The following DICER1 variants were observed in gnomAD, a reference collection of about 807,000 sequenced individuals.
The protein encoded by DICER1 is dicer 1, ribonuclease III, also known as endoribonuclease Dicer.
In DICER1, 43 loss-of-function variants were observed where a neutral mutation model predicts 194.1. The ratio of observed to expected loss-of-function variants is 0.22; its 90% CI spans 0.17 to 0.29. The LOEUF is 0.29. Among genes scored for constraint, DICER1 ranks in the 10% least tolerant of loss-of-function variants. The pLI, the probability that DICER1 is intolerant of heterozygous loss-of-function variation, is 1.00. For synonymous variants in DICER1, 832 were observed against 820.5 expected (o/e 1.01, Z -0.24); for missense variants, 1,608 against 2,317.0 (o/e 0.69, Z 6.28).
chr14:95,122,521 A>C (rs1475985387), intron 8 of DICER1, among the ~76,000 whole-genome samples: 1 of 152,184 alleles, frequency 6.6e-6, no homozygotes, highest in East Asian at 1.9e-4. Context: ...GCTGTAAAGC[A>C]CTGGTTTTTA....
chr14:95,115,404 T>C (rs966234859), intron 11 of DICER1, among the ~76,000 whole-genome samples: 1 of 152,178 alleles, frequency 6.6e-6, no homozygotes, highest in Non-Finnish European at 1.5e-5. Flanking sequence ...GTGAGAATTA[T>C]AAAATTAAAT....
chr14:95,094,269 C>T (rs964737226), intron 23 of DICER1, 113 bp from the exon 24 acceptor site: 10 of 1,342,392 alleles, frequency 7.4e-6, no homozygotes, highest in South Asian at 7.4e-5. Flanking sequence ...CATTTTCATA[C>T]ATATATTCTT....
At chr14:95,127,214 C>A (rs920055339) in intron 6 of DICER1, among the ~76,000 whole-genome samples, 57 of 152,350 alleles carry the variant, frequency 3.7e-4, no homozygotes, top group African/African-American at 1.3e-3. Flanking sequence ...CCTCCCTGAA[C>A]ACCTTTTGTT....
At chr14:95,090,853 A>G (rs1889739711) in intron 26 of DICER1, 181 bp downstream of exon 26, 4 of 941,136 alleles carry the variant, frequency 4.3e-6, no homozygotes, top group South Asian at 1.5e-5. Context: ...TCTTTATTAC[A>G]GCATTATTTC....
In DICER1 at chr14:95,096,237, G is replaced by A. The variant is rs899603485; in HGVS notation, c.4683C>T (p.Asp1561=). The change falls in exon 23 of 27, where the codon GAC becomes GAT. Residue 1561 remains aspartate, a synonymous_variant. Transcript: ENST00000343455. ...AGCAGCCCAGCAGGGCTTCCACACAGTCCGCTATGCTTTTGTCAGCAATAC... is the reference window on the plus strand; with the variant it reads ...AGCAGCCCAGCAGGGCTTCCACACAATCCGCTATGCTTTTGTCAGCAATAC... The part of the protein sequence containing the change: ...EQCIADKSIA[D]CVEALLGCYL... 5.6e-6 allele frequency: 9 copies of A among 1,614,192 alleles called. No individual in the cohort carries two copies. The highest frequency in any genetic ancestry group is 1.7e-5 in the Admixed American group (1 of 60,032).
intron 21 of DICER1, 90 bp downstream of exon 21, chr14:95,103,256 G>C: frequency 7.3e-7 from 1 of 1,370,698 alleles, no homozygotes; most frequent in South Asian, 1.2e-5. Flanking sequence ...AGCATGATAC[G>C]TTCTCATCCT....
At position 95,137,438 on chromosome 14, in the gene DICER1, A is replaced by G. The variant is rs545299888; in HGVS notation, c.-45-3935T>C. Among the ~76,000 whole-genome samples the G allele has an allele frequency of 4.1e-5, 6 of 144,964 alleles. No individual in the cohort carries two copies. In the East Asian group the frequency reaches 1.1e-3, roughly 26 times the overall value. On this transcript the variant is annotated intron_variant, in intron 1 of 26. Transcript: ENST00000343455. Reference sequence around the variant, plus strand: ...AAGGGGAAGGGAATAAGAGGAAGGAAAAGGGGAAGAGGAAAGGGAAAGAAA... The same window carrying G: ...AAGGGGAAGGGAATAAGAGGAAGGAGAAGGGGAAGAGGAAAGGGAAAGAAA...
chr14:95,116,648 T>C lies in DICER1; in HGVS notation c.1557A>G (p.Thr519=), dbSNP rs780467547. 1.9e-6 allele frequency: 3 copies of C among 1,613,756 alleles called. No homozygotes were observed. In the South Asian group the frequency reaches 3.3e-5, roughly 18 times the overall value. ...TATCAACACCCTCTTCTACAATACT[T>C]GTTGCAATAAGCAGGTTGGTCTCAT... ...RAHETNLLIA[T]SIVEEGVDIP... The change falls in exon 10 of 27, where the codon ACA becomes ACG. Residue 519 remains threonine, a synonymous_variant. Transcript: ENST00000343455.
Position 95,090,220 on chromosome 14 carries a change from GTCA to G in DICER1, c.*275_*277del, listed in dbSNP as rs1022635227. ...CAATTATTTTGAGCACTTGCTAAAT[GTCA>G]TCATTAAAGCACTCTTGTGATTTAA... On this transcript the variant is annotated 3_prime_UTR_variant, in exon 27 of 27. Coordinates refer to ENST00000343455, the MANE Select transcript of DICER1 (RefSeq NM_177438.3). 4 of 478,240 alleles carry G rather than the reference GTCA, an allele frequency of 8.4e-6. No individual in the cohort carries two copies. Among genetic ancestry groups the G allele is most frequent in the Non-Finnish European group, 1.5e-5 (4 of 265,098 alleles). 29.6% of individuals were successfully genotyped at this position (478,240 alleles called of 1,614,324 possible).
intron 7 of DICER1, 84 bp downstream of exon 7, chr14:95,126,496 G>A (rs568467061): frequency 4.3e-5 from 38 of 876,334 alleles, no homozygotes; most frequent in South Asian, 1.6e-4. Flanking sequence ...GAAAAGAGCC[G>A]CATTAAGCAT....
intron 1 of DICER1, chr14:95,134,578 T>C (rs1346656285): frequency 6.6e-6 from 1 of 152,266 alleles, no homozygotes; most frequent in Non-Finnish European, 1.5e-5. Context: ...GTACAACACA[T>C]GACTTAAGTT....
chr14:95,109,961 T>C (rs12878774), intron 14 of DICER1, among the ~76,000 whole-genome samples: 9,918 of 152,304 alleles, frequency 0.065, 419 homozygotes, highest in African/African-American at 0.12. Flanking sequence ...TAAACTATCA[T>C]AAATATGTAC....
chr14:95,112,722 G>GAT (rs1286650088), intron 12 of DICER1, among the ~76,000 whole-genome samples: 1 of 152,058 alleles, frequency 6.6e-6, no homozygotes, highest in African/African-American at 2.4e-5. Flanking sequence ...ACAACGCAAC[G>GAT]ATCTATAATA....
intron 13 of DICER1, 147 bp downstream of exon 13, chr14:95,112,025 T>G: frequency 1.4e-6 from 1 of 728,786 alleles, no homozygotes; most frequent in South Asian, 1.6e-5. Flanking sequence ...TTACTAACAC[T>G]TATGTTTATA....
chr14:95,106,266 TAAATCA>T (rs758969070), intron 17 of DICER1, 43 bp from the exon 18 acceptor site: 14 of 1,414,916 alleles, frequency 9.9e-6, no homozygotes, highest in Non-Finnish European at 1.2e-5. Flanking sequence ...CTTTTTGATT[TAAATCA>T]ACTATTCTCA....
rs902700187 is a variant in DICER1, at chr14:95,112,097, A to G, written c.2116+75T>C. On this transcript the variant is annotated intron_variant, in intron 13 of 26. Coordinates refer to ENST00000343455, the MANE Select transcript of DICER1 (RefSeq NM_177438.3). ...TCTACAAAATCCTTACAGATCTATA[A>G]AGTCCTCTATATGCTTTTTTTTTAC... 6 of 1,286,126 alleles carry G rather than the reference A, an allele frequency of 4.7e-6. No individual in the cohort carries two copies. In the African/African-American group the frequency reaches 8.8e-5, roughly 19 times the overall value. 79.7% of individuals were successfully genotyped at this position (1,286,126 alleles called of 1,614,324 possible).
chr14:95,156,244 T>C (rs1895854899), intron 1 of DICER1, among the ~76,000 whole-genome samples: 1 of 152,226 alleles, frequency 6.6e-6, no homozygotes, highest in African/African-American at 2.4e-5. Context: ...ACAATCAGGA[T>C]TGTAAAGATT....
rs947478032 is a variant in DICER1 at position 95,145,353 on chromosome 14, G to A, written c.-45-11850C>T. Among the ~76,000 whole-genome samples the A allele has an allele frequency of 1.5e-4, 23 of 152,100 alleles. 1 individual carries two copies. Among genetic ancestry groups the A allele is most frequent in the Non-Finnish European group, 2.9e-4 (20 of 68,006 alleles). ...TAAATCACAAAATATGGTACCTAAC[G>A]TAAAGTAAATTTAAACAGTTTTGTA... On this transcript the variant is annotated intron_variant, in intron 1 of 26. Coordinates refer to ENST00000343455, the MANE Select transcript of DICER1 (RefSeq NM_177438.3).
chr14:95,105,648 T>A lies in DICER1; in HGVS notation c.3093+30A>T, dbSNP rs749504144. On this transcript the variant is annotated intron_variant, in intron 19 of 26. Transcript: ENST00000343455. This position sits in a 1 kb window ranked among gnomAD's most constrained non-coding sequence, Gnocchi z 4.9. ...TAATCTTTAATACTCAAACAAATAC[T>A]AAGTTATGCTAGTACAATTAACTCA... 4.2e-6 allele frequency: 6 copies of A among 1,426,058 alleles called. No homozygotes were observed. 88.3% of individuals were successfully genotyped at this position (1,426,058 alleles called of 1,614,324 possible). A position where few individuals can be genotyped will look rare whatever the true frequency, so the allele number is the denominator to read the frequency against.
Sources: gnomAD v4.1 joint callset for allele counts (sites outside exome capture counted in the v4.1 genomes callset) on GRCh38, gnomAD v4.1.1 for gene constraint, Gnocchi (gnomAD v3.1) non-coding constraint, MANE v1.5 for transcripts, NCBI Gene and HGNC (gene_info 2026-07-23, HGNC 2026-07-21) for gene names.